Variants in FHOD3 observed in about 807,000 individuals in gnomAD.
FHOD3 encodes formin homology 2 domain containing 3.
In FHOD3, 90 loss-of-function variants were observed where a neutral mutation model predicts 173.0. The ratio of observed to expected loss-of-function variants is 0.52; its 90% CI spans 0.44 to 0.62. The LOEUF is 0.62. FHOD3 is among the 20% of genes least tolerant of loss of function. FHOD3 has a pLI of 0.00. For synonymous variants in FHOD3, 828 were observed against 823.0 expected (o/e 1.01, Z -0.10); for missense variants, 1,945 against 2,034.7 (o/e 0.96, Z 0.85).
intron 9 of FHOD3, among the ~76,000 whole-genome samples, chr18:36,614,087 C>A (rs1358479167): frequency 6.6e-6 from 1 of 152,150 alleles, no homozygotes; most frequent in East Asian, 1.9e-4. Context: ...GTTGTACAAT[C>A]ATCACCACTA....
rs1441447942 is a variant in FHOD3, at chr18:36,632,241, A to AT, written c.1196+6497dup. Among the ~76,000 whole-genome samples, 10 of 152,204 alleles carry AT rather than the reference A, an allele frequency of 6.6e-5. No homozygotes were observed. In the East Asian group the frequency reaches 7.7e-4, roughly 12 times the overall value. ...CACTGAATGTTAGGAGATTTTCATA[A>AT]TTTTTGTAGTATTGAAAAGTGAAAA... On this transcript the variant is annotated intron_variant, in intron 10 of 28. Transcript: ENST00000590592.
intron 3 of FHOD3, among the ~76,000 whole-genome samples, chr18:36,462,879 A>G (rs1310119501): frequency 2.2e-4 from 33 of 151,718 alleles, no homozygotes; most frequent in Non-Finnish European, 1.5e-5. Context: ...GACTGCCTTG[A>G]CCTCCCAAAA....
intron 3 of FHOD3, among the ~76,000 whole-genome samples, chr18:36,404,408 T>G (rs1395750968): frequency 6.6e-6 from 1 of 152,168 alleles, no homozygotes. Context: ...GTTGATAAAA[T>G]GAATTAAATG....
intron 6 of FHOD3, among the ~76,000 whole-genome samples, chr18:36,583,271 ACAGT>A (rs2058918102): frequency 2.0e-5 from 3 of 152,272 alleles, no homozygotes; most frequent in African/African-American, 7.2e-5. Context: ...GCTGCATCTG[ACAGT>A]CAGTGCCAGA....
rs111239314 is a variant in FHOD3 at position 36,661,677 on chromosome 18, A to G, written c.1835+3489A>G. ...CATTGTCATGAGCTTGGAGTTTTCC[A>G]TTTCTTCCCCAACAAGTATATTCAT... On this transcript the variant is annotated intron_variant, in intron 14 of 28. Coordinates refer to ENST00000590592, the MANE Select transcript of FHOD3 (RefSeq NM_001281740.3). 3.3e-3 allele frequency among the ~76,000 whole-genome samples: 503 copies of G among 152,300 alleles called. 3 individuals are homozygous for G. The highest frequency in any genetic ancestry group is 0.012 in the African/African-American group (480 of 41,572).
chr18:36,502,951 T>C (rs932046374), intron 4 of FHOD3, among the ~76,000 whole-genome samples: 2 of 152,198 alleles, frequency 1.3e-5, no homozygotes, highest in Non-Finnish European at 2.9e-5. Context: ...GAAGATTGCA[T>C]TGGATGAATA....
At position 36,622,862 on chromosome 18, in the gene FHOD3, C is replaced by T. The variant is rs540991478; in HGVS notation, c.958-2649C>T. On this transcript the variant is annotated intron_variant, in intron 9 of 28. Transcript: ENST00000590592. ...GCATGTGCAAACAAAGCCTCTCTTC[C>T]TGTCATCACTGGACACTGATGACTC... 1.5e-4 allele frequency among the ~76,000 whole-genome samples: 23 copies of T among 152,318 alleles called. No homozygotes were observed. The East Asian group carries it at 4.4e-3, about 29-fold the overall frequency.
intron 5 of FHOD3, among the ~76,000 whole-genome samples, chr18:36,575,009 C>T (rs1167856939): frequency 1.3e-5 from 2 of 150,804 alleles, no homozygotes; most frequent in South Asian, 2.1e-4. Flanking sequence ...TTTGCTCTAT[C>T]ACCCAGACTG....
chr18:36,779,525 C>T lies in FHOD3; in HGVS notation c.4864C>T (p.Leu1622=). 3.1e-6 allele frequency: 5 copies of T among 1,614,038 alleles called. No individual in the cohort carries two copies. Among genetic ancestry groups the T allele is most frequent in the Non-Finnish European group, 3.4e-6 (4 of 1,179,936 alleles). The stretch of plus-strand genomic sequence containing the variant: ...CTTGGTTGGCACCTCGGAGTTGCAG[C>T]TGTGACACTCATAGGTTACTCCCAG... ...LGLVGTSELQ[L] The change falls in exon 29 of 29, where the codon CTG becomes TTG. Residue 1622 remains leucine, a synonymous_variant. Transcript: ENST00000590592.
rs998505713 is a variant in FHOD3 at position 36,349,585 on chromosome 18, G to A, written c.166-5954G>A. On this transcript the variant is annotated intron_variant, in intron 1 of 28. Coordinates refer to ENST00000590592, the MANE Select transcript of FHOD3 (RefSeq NM_001281740.3). Reference sequence around the variant, plus strand: ...ACGGTTCTGTGCAAATCTATTTCAGGATTACACAGAAATTTTATTGCCTGG... The same window carrying A: ...ACGGTTCTGTGCAAATCTATTTCAGAATTACACAGAAATTTTATTGCCTGG... Among the ~76,000 whole-genome samples, 9 of 152,284 alleles carry A rather than the reference G, an allele frequency of 5.9e-5. No homozygotes were observed. In the South Asian group the frequency reaches 1.5e-3, roughly 25 times the overall value.
intron 6 of FHOD3, among the ~76,000 whole-genome samples, chr18:36,580,471 AACAGTGATGCC>A (rs1270616727): frequency 1.3e-5 from 2 of 152,214 alleles, no homozygotes; most frequent in Non-Finnish European, 2.9e-5. Context: ...AATTCTGGGG[AACAGTGATGCC>A]ACAGCCCATC....
intron 5 of FHOD3, among the ~76,000 whole-genome samples, chr18:36,536,030 T>C (rs572198423): frequency 8.5e-5 from 13 of 152,336 alleles, no homozygotes; most frequent in African/African-American, 3.1e-4. Flanking sequence ...AATGAAATTT[T>C]GGTGGGAGAA....
At chr18:36,448,280 G>C (rs572802388) in intron 3 of FHOD3, among the ~76,000 whole-genome samples, 35 of 152,192 alleles carry the variant, frequency 2.3e-4, no homozygotes, top group Non-Finnish European at 2.9e-4. Context: ...TGTATTTTCT[G>C]TGTAGGTTCA....
chr18:36,634,127 A>T (rs546329971), intron 10 of FHOD3, among the ~76,000 whole-genome samples: 1 of 152,168 alleles, frequency 6.6e-6, no homozygotes. Context: ...CTCATAACTG[A>T]TGCATACCAA....
chr18:36,466,868 CTT>C (rs10546728), intron 3 of FHOD3, among the ~76,000 whole-genome samples: 11,714 of 148,738 alleles, frequency 0.079, 834 homozygotes, highest in East Asian at 0.25. Context: ...GTGATTTTAG[CTT>C]TTTTTTTTTT....
chr18:36,748,420 G>C (rs1213850684), intron 24 of FHOD3, among the ~76,000 whole-genome samples: 1 of 136,834 alleles, frequency 7.3e-6, no homozygotes, highest in African/African-American at 3.0e-5. Context: ...CACACACACG[G>C]AGAGAGAACC....
chr18:36,428,812 C>T (rs1309359607), intron 3 of FHOD3, among the ~76,000 whole-genome samples: 1 of 152,154 alleles, frequency 6.6e-6, no homozygotes, highest in Non-Finnish European at 1.5e-5. Flanking sequence ...GATTGGTCCC[C>T]TTAGGTCAGG....
In FHOD3 at chr18:36,658,164, C is replaced by A. The variant is rs762726067; in HGVS notation, c.1811C>A (p.Pro604His). 8.8e-6 allele frequency: 14 copies of A among 1,588,290 alleles called. No individual in the cohort carries two copies. The highest frequency in any genetic ancestry group is 1.1e-5 in the Non-Finnish European group (13 of 1,169,938). ...ACCACCCCCACATCATCCGTCTCAC[C>A]CCCACAGGAGGCCAGGTTGGAAAGG... Reference protein sequence around the residue: ...VPTTPTSSVSPPQEARLERSS... With the variant: ...VPTTPTSSVSHPQEARLERSS... Residue 604 changes from proline to histidine, a missense_variant, in exon 14 of 29, where the codon CCC becomes CAC. Pro to His is a moderately conservative substitution (Grantham distance 77). Transcript: ENST00000590592.
intron 14 of FHOD3, among the ~76,000 whole-genome samples, chr18:36,659,526 G>A (rs2036637774): frequency 6.6e-6 from 1 of 152,208 alleles, no homozygotes; most frequent in African/African-American, 2.4e-5. Flanking sequence ...TAATATTGGA[G>A]TCAGACTGAT....
Sources: allele counts gnomAD v4.1 joint callset (sites outside exome capture counted in the v4.1 genomes callset), GRCh38; gene constraint gnomAD v4.1.1; transcripts MANE v1.5; gene names NCBI Gene and HGNC (gene_info 2026-07-23, HGNC 2026-07-21).